Variants in DIAPH2 observed in about 807,000 individuals in gnomAD.
The protein encoded by DIAPH2 is protein diaphanous homolog 2.
A neutral mutation model predicts 92.7 loss-of-function variants in DIAPH2; 35 were observed. The observed-to-expected ratio is 0.38, with a 90% CI of 0.29 to 0.50. The LOEUF (loss-of-function observed/expected upper bound fraction) is 0.50, where lower values mean the gene tolerates loss of function less well. Ranked by LOEUF, DIAPH2 falls within the 20% of genes least tolerant of loss-of-function variation. DIAPH2 has a pLI of 0.94. For synonymous variants in DIAPH2, 301 were observed against 280.4 expected (o/e 1.07, Z -0.73); for missense variants, 701 against 819.5 (o/e 0.86, Z 1.77).
chrX:97,193,012 C>CTT (rs373054114), intron 22 of DIAPH2, among the ~76,000 whole-genome samples: 106 of 86,545 alleles, frequency 1.2e-3, no homozygotes, highest in African/African-American at 3.8e-3. Context: ...TTTTTCTTTT[C>CTT]TTTTTTTTTT....
At chrX:97,489,913 A>G (rs2070713986) in intron 26 of DIAPH2, among the ~76,000 whole-genome samples, 1 of 111,662 alleles carries the variant, frequency 9.0e-6, no homozygotes, top group African/African-American at 3.2e-5. Flanking sequence ...AGTGTCTGTG[A>G]CTTTGTATTA....
At chrX:97,242,488 C>T (rs1023321664) in intron 22 of DIAPH2, among the ~76,000 whole-genome samples, 1 of 109,994 alleles carries the variant, frequency 9.1e-6, no homozygotes, top group African/African-American at 3.3e-5. Context: ...CTCAGTCTCC[C>T]GAGTATCTGG....
intron 26 of DIAPH2, among the ~76,000 whole-genome samples, chrX:97,568,262 G>C (rs1423351234): frequency 9.0e-6 from 1 of 110,498 alleles, no homozygotes; most frequent in African/African-American, 3.3e-5. Flanking sequence ...GTTAGGAGCT[G>C]ATAAAACCGT....
intron 12 of DIAPH2, among the ~76,000 whole-genome samples, 160 bp downstream of exon 12, chrX:96,939,542 G>A (rs866718757): frequency 6.8e-5 from 5 of 73,485 alleles, no homozygotes; most frequent in African/African-American, 2.5e-4. Context: ...ATATATATAT[G>A]TATGTATATA....
At chrX:96,904,414 A>G (rs937428584) in intron 5 of DIAPH2, among the ~76,000 whole-genome samples, 8 of 112,057 alleles carry the variant, frequency 7.1e-5, no homozygotes, top group African/African-American at 2.6e-4. Context: ...GCCCAAAGCT[A>G]TTGTGTTTGC....
At chrX:96,939,852 A>G (rs1306666576) in intron 12 of DIAPH2, among the ~76,000 whole-genome samples, 3 of 83,011 alleles carry the variant, frequency 3.6e-5, no homozygotes, top group Admixed American at 1.2e-4. Context: ...TTTAGTAGAG[A>G]CGGGGTTTCA....
Position 97,302,857 on chromosome X carries a change from G to A in DIAPH2, c.2845-45259G>A, listed in dbSNP as rs141983722. Among the ~76,000 whole-genome samples, 791 of 111,140 alleles carry A rather than the reference G, an allele frequency of 7.1e-3. 9 individuals are homozygous for A. Among genetic ancestry groups the A allele is most frequent in the African/African-American group, 0.025 (750 of 30,599 alleles). On this transcript the variant is annotated intron_variant, in intron 23 of 26. Transcript: ENST00000324765. ...AAATTAGCCGGGCGCGGTGTCGTGCGCCTATAGTCACAGCTACTTGGGTGG... is the reference window on the plus strand; with the variant it reads ...AAATTAGCCGGGCGCGGTGTCGTGCACCTATAGTCACAGCTACTTGGGTGG...
chrX:97,587,354 C>G (rs1464271932), intron 26 of DIAPH2, among the ~76,000 whole-genome samples: 1 of 111,047 alleles, frequency 9.0e-6, no homozygotes, highest in Admixed American at 9.6e-5. Context: ...GAAATAATCT[C>G]TTTCTACCCT....
At chrX:97,523,904 T>C (rs2071007235) in intron 26 of DIAPH2, among the ~76,000 whole-genome samples, 1 of 111,928 alleles carries the variant, frequency 8.9e-6, no homozygotes, top group South Asian at 3.7e-4. Context: ...AAGAATTAAC[T>C]AGATATTTTT....
At chrX:96,982,960 G>A (rs1295701231) in intron 17 of DIAPH2, among the ~76,000 whole-genome samples, 2 of 111,194 alleles carry the variant, frequency 1.8e-5, no homozygotes, top group Non-Finnish European at 3.8e-5. Context: ...TTCAGACTGC[G>A]GCAAAATTTA....
intron 25 of DIAPH2, among the ~76,000 whole-genome samples, chrX:97,399,247 G>A (rs2069732597): frequency 1.8e-5 from 2 of 111,246 alleles, no homozygotes; most frequent in African/African-American, 6.5e-5. Context: ...TATTTTTGTT[G>A]TTGTTTGAGA....
intron 24 of DIAPH2, among the ~76,000 whole-genome samples, chrX:97,373,448 A>G (rs1052837278): frequency 1.8e-5 from 2 of 109,327 alleles, no homozygotes; most frequent in Non-Finnish European, 3.8e-5. Context: ...AGAAAATGGA[A>G]AGAGTATCTA....
In DIAPH2 at chrX:97,476,640, T is replaced by C. The variant is rs1484170924; in HGVS notation, c.3241+46895T>C. 2.7e-5 allele frequency among the ~76,000 whole-genome samples: 3 copies of C among 110,906 alleles called. No individual in the cohort carries two copies. The East Asian group carries it at 8.4e-4, about 31-fold the overall frequency. Reference sequence around the variant, plus strand: ...AGCCTGAGCTGTAGAATTAATTTTTTCAATTGAATGAGTAATACTGCTTTA... The same window carrying C: ...AGCCTGAGCTGTAGAATTAATTTTTCCAATTGAATGAGTAATACTGCTTTA... On this transcript the variant is annotated intron_variant, in intron 26 of 26. Transcript: ENST00000324765.
At chrX:97,053,717 T>C (rs1489611783) in intron 17 of DIAPH2, among the ~76,000 whole-genome samples, 2 of 111,612 alleles carry the variant, frequency 1.8e-5, no homozygotes, top group Non-Finnish European at 3.8e-5. Flanking sequence ...TCTTCCCTTC[T>C]CCATTCACAA....
intron 4 of DIAPH2, among the ~76,000 whole-genome samples, chrX:96,822,482 C>T (rs769083790): frequency 5.4e-5 from 6 of 111,581 alleles, no homozygotes; most frequent in Non-Finnish European, 9.4e-5. Context: ...AAATTTTTAA[C>T]TGGAGAGATA....
intron 1 of DIAPH2, among the ~76,000 whole-genome samples, chrX:96,714,606 AG>A (rs1355675146): frequency 9.0e-5 from 10 of 111,695 alleles, no homozygotes; most frequent in Non-Finnish European, 1.7e-4. Flanking sequence ...TTAGTTTGTA[AG>A]CTCTATGAAA....
At position 97,602,806 on chromosome X, in the gene DIAPH2, C is replaced by T. The variant is rs896165203; in HGVS notation, c.*3489C>T. 2 of 112,182 alleles carry T rather than the reference C, an allele frequency of 1.8e-5. No individual in the cohort carries two copies. The highest frequency in any genetic ancestry group is 6.5e-5 in the African/African-American group (2 of 30,813). 9.2% of individuals were successfully genotyped at this position (112,182 alleles called of 1,213,427 possible). On this transcript the variant is annotated 3_prime_UTR_variant, in exon 27 of 27. Transcript: ENST00000324765. The stretch of plus-strand genomic sequence containing the variant: ...GCTGAGAAGTTTTATCAACGGGTTT[C>T]CTACCTGTAGAATTCTGGCAGTCTC...
chrX:96,991,277 G>A lies in DIAPH2; in HGVS notation c.2050+26070G>A, dbSNP rs1008080008. Among the ~76,000 whole-genome samples, 3 of 109,803 alleles carry A rather than the reference G, an allele frequency of 2.7e-5. No homozygotes were observed. The East Asian group carries it at 8.6e-4, about 31-fold the overall frequency. On this transcript the variant is annotated intron_variant, in intron 17 of 26. Coordinates refer to ENST00000324765, the MANE Select transcript of DIAPH2 (RefSeq NM_006729.5). ...TTACAGATGCACGCCAACATGTCTC[G>A]CTAAATTTTTTTGTATTTTTTGTAG...
chrX:97,490,170 C>A lies in DIAPH2; in HGVS notation c.3241+60425C>A, dbSNP rs774073256. Among the ~76,000 whole-genome samples, 5 of 110,695 alleles carry A rather than the reference C, an allele frequency of 4.5e-5. No homozygotes were observed. In the South Asian group the frequency reaches 1.9e-3, roughly 42 times the overall value. Reference sequence around the variant, plus strand: ...GGTTGTATATTTCTGTGAATATAACCATTGCTTCGAGATTATCCAATTTGT... The same window carrying A: ...GGTTGTATATTTCTGTGAATATAACAATTGCTTCGAGATTATCCAATTTGT... On this transcript the variant is annotated intron_variant, in intron 26 of 26. Transcript: ENST00000324765.
Sources: allele counts gnomAD v4.1 joint callset (sites outside exome capture counted in the v4.1 genomes callset), GRCh38; gene constraint gnomAD v4.1.1; transcripts MANE v1.5; gene names NCBI Gene and HGNC (gene_info 2026-07-23, HGNC 2026-07-21).